PTPN14: variants seen among roughly 807,000 people sequenced by gnomAD.
The protein encoded by PTPN14 is tyrosine-protein phosphatase non-receptor type 14.
In PTPN14, 53 loss-of-function variants were observed where a neutral mutation model predicts 126.8. The observed-to-expected ratio is 0.42, with a 90% confidence interval of 0.34 to 0.53. PTPN14 has a LOEUF of 0.53. PTPN14 is among the 20% of genes least tolerant of loss of function. The pLI, the probability that PTPN14 is intolerant of heterozygous loss-of-function variation, is 0.08. For synonymous variants in PTPN14, 630 were observed against 599.3 expected, an observed-to-expected ratio of 1.05 and a Z score of -0.75; for missense variants, 1,257 against 1,552.9, an observed-to-expected ratio of 0.81 and a Z score of 3.20.
intron 5 of PTPN14, among the ~76,000 whole-genome samples, chr1:214,410,154 C>A (rs1419299344): frequency 6.6e-6 from 1 of 152,102 alleles, no homozygotes; most frequent in Non-Finnish European, 1.5e-5. Flanking sequence ...GATACAATCT[C>A]ATTTATTTAT....
chr1:214,459,770 C>G (rs1027279127), intron 2 of PTPN14, among the ~76,000 whole-genome samples: 1 of 152,160 alleles, frequency 6.6e-6, no homozygotes, highest in Admixed American at 6.5e-5. Flanking sequence ...CCTGGCCGAT[C>G]CCCACTCTTT....
Position 214,349,422 on chromosome 1 carries a change from G to A in PTPN14, c.*8500C>T, listed in dbSNP as rs538281303. 1 of 152,206 alleles carries A rather than the reference G, an allele frequency of 6.6e-6. No individual in the cohort carries two copies. Among genetic ancestry groups the A allele is most frequent in the Admixed American group, 6.5e-5 (1 of 15,294 alleles). 9.4% of individuals were successfully genotyped at this position (152,206 alleles called of 1,614,324 possible). A position where few individuals can be genotyped will look rare whatever the true frequency, so the allele number is the denominator to read the frequency against. ...TAAGTTGGGGACTTGTCTGTACATC[G>A]TTTCAAAATGAAACCTAATAAATGT... On this transcript the variant is annotated 3_prime_UTR_variant, in exon 19 of 19. Transcript: ENST00000366956.
chr1:214,426,840 A>G (rs568434739), intron 3 of PTPN14, among the ~76,000 whole-genome samples: 11 of 152,336 alleles, frequency 7.2e-5, no homozygotes, highest in Admixed American at 3.9e-4. Context: ...TGGGGCAGTC[A>G]GTGGCTGTAC....
At chr1:214,533,742 CGG>C (rs1005186235) in intron 1 of PTPN14, among the ~76,000 whole-genome samples, 1 of 150,346 alleles carries the variant, frequency 6.7e-6, no homozygotes, top group African/African-American at 2.5e-5. Flanking sequence ...GAGACTGAGG[CGG>C]GAGAATGGCG....
chr1:214,470,986 C>T (rs745626759), intron 1 of PTPN14, among the ~76,000 whole-genome samples: 2 of 146,996 alleles, frequency 1.4e-5, no homozygotes, highest in East Asian at 2.0e-4. Flanking sequence ...GATCACACCA[C>T]GGCACTCCAG....
At chr1:214,423,843 T>C (rs1659598348) in intron 3 of PTPN14, among the ~76,000 whole-genome samples, 1 of 151,778 alleles carries the variant, frequency 6.6e-6, no homozygotes, top group African/African-American at 2.4e-5. Flanking sequence ...TAGCCAGGCA[T>C]GGTGGCTCAC....
At chr1:214,511,896 TTCTG>T (rs540553696) in intron 1 of PTPN14, among the ~76,000 whole-genome samples, 146 of 152,226 alleles carry the variant, frequency 9.6e-4, no homozygotes, top group African/African-American at 3.5e-3. Context: ...GGATTAAGTG[TTCTG>T]TCTTTTTTTA....
chr1:214,387,594 G>A (rs915809281), intron 11 of PTPN14, among the ~76,000 whole-genome samples: 4 of 150,612 alleles, frequency 2.7e-5, no homozygotes, highest in African/African-American at 9.7e-5. Flanking sequence ...CGTGAGAGTC[G>A]TTGAACCTGG....
At chr1:214,362,086 A>G (rs1657969539) in intron 18 of PTPN14, among the ~76,000 whole-genome samples, 1 of 152,250 alleles carries the variant, frequency 6.6e-6, no homozygotes. Context: ...TGGTCCCACA[A>G]TTTAATATAT....
chr1:214,543,082 T>C (rs1655881441), intron 1 of PTPN14, among the ~76,000 whole-genome samples: 2 of 152,188 alleles, frequency 1.3e-5, no homozygotes, highest in Non-Finnish European at 2.9e-5. Flanking sequence ...TCATAGGGTC[T>C]CTCCAACTTT....
intron 1 of PTPN14, among the ~76,000 whole-genome samples, chr1:214,485,967 C>T (rs1661102671): frequency 6.6e-6 from 1 of 152,086 alleles, no homozygotes; most frequent in Non-Finnish European, 1.5e-5. Context: ...ACCTCGTGAT[C>T]CGCCCGCCTT....
At chr1:214,539,091 G>A (rs1033705628) in intron 1 of PTPN14, among the ~76,000 whole-genome samples, 1 of 152,226 alleles carries the variant, frequency 6.6e-6, no homozygotes, top group South Asian at 2.1e-4. Context: ...TGCTAATGAT[G>A]ACTTTAAATG....
intron 1 of PTPN14, among the ~76,000 whole-genome samples, chr1:214,545,427 A>G (rs1655945760): frequency 6.6e-6 from 1 of 152,180 alleles, no homozygotes; most frequent in African/African-American, 2.4e-5. Context: ...TCTACTCTTG[A>G]GATAACAAAT....
Position 214,494,465 on chromosome 1 carries a change from C to T in PTPN14, c.-154-29508G>A, listed in dbSNP as rs138916863. Among the ~76,000 whole-genome samples, 574 of 152,250 alleles carry T rather than the reference C, an allele frequency of 3.8e-3. 2 individuals are homozygous for T. The highest frequency in any genetic ancestry group is 0.02 in the Middle Eastern group (6 of 294). On this transcript the variant is annotated intron_variant, in intron 1 of 18. Coordinates refer to ENST00000366956, the MANE Select transcript of PTPN14 (RefSeq NM_005401.5). ...AGCTTAGAGAGGTTGGCGATTCCTG[C>T]CATATAAGAATACACTTTAATGCTT...
At chr1:214,367,373 C>T (rs12118555) in intron 17 of PTPN14, among the ~76,000 whole-genome samples, 10,138 of 152,268 alleles carry the variant, frequency 0.067, 470 homozygotes, top group Non-Finnish European at 0.1. Context: ...CAGTGCCAAA[C>T]CCCTCAAGTA....
chr1:214,403,177 T>C (rs1659076190), intron 5 of PTPN14, among the ~76,000 whole-genome samples: 1 of 152,204 alleles, frequency 6.6e-6, no homozygotes, highest in Admixed American at 6.5e-5. Context: ...AGGCATATTT[T>C]GGGTTGCCGC....
chr1:214,395,372 AC>A (rs1658853768), intron 8 of PTPN14, among the ~76,000 whole-genome samples: 1 of 152,092 alleles, frequency 6.6e-6, no homozygotes, highest in Non-Finnish European at 1.5e-5. Context: ...GTTTCCAGGA[AC>A]CTAAATAGAA....
At chr1:214,506,215 A>T (rs1245819044) in intron 1 of PTPN14, among the ~76,000 whole-genome samples, 1 of 152,194 alleles carries the variant, frequency 6.6e-6, no homozygotes. Flanking sequence ...TCCTAAATAT[A>T]AAAACTGGCC....
chr1:214,422,394 C>T (rs1299849566), intron 3 of PTPN14, among the ~76,000 whole-genome samples: 1 of 152,168 alleles, frequency 6.6e-6, no homozygotes, highest in Non-Finnish European at 1.5e-5. Context: ...ATGCTCCATG[C>T]TAACCGGCCA....
Sources: gnomAD v4.1 joint callset for allele counts (sites outside exome capture counted in the v4.1 genomes callset) on GRCh38, gnomAD v4.1.1 for gene constraint, MANE v1.5 for transcripts, NCBI Gene and HGNC (gene_info 2026-07-23, HGNC 2026-07-21) for gene names.